The following PDE3A variants were observed in gnomAD, a reference collection of about 807,000 sequenced individuals.
PDE3A encodes the protein phosphodiesterase 3A.
PDE3A carries 43 observed loss-of-function variants against 98.3 expected under a neutral mutation model. The ratio of observed to expected loss-of-function variants is 0.44; its 90% CI spans 0.34 to 0.56. PDE3A has a LOEUF of 0.56. Among genes scored for constraint, PDE3A ranks in the 20% least tolerant of loss-of-function variants. The pLI is 0.01. For synonymous variants in PDE3A, 663 were observed against 567.9 expected, an observed-to-expected ratio of 1.17 and a Z score of -2.38; for missense variants, 1,427 against 1,440.7, an observed-to-expected ratio of 0.99 and a Z score of 0.15.
chr12:20,429,720 G>A (rs747805178), intron 1 of PDE3A, among the ~76,000 whole-genome samples: 27 of 152,166 alleles, frequency 1.8e-4, no homozygotes, highest in Non-Finnish European at 3.4e-4. Flanking sequence ...GAAATACATA[G>A]ATTTGGACAA....
chr12:20,661,098 A>T (rs1193885814), intron 15 of PDE3A, among the ~76,000 whole-genome samples: 1 of 152,216 alleles, frequency 6.6e-6, no homozygotes, highest in Non-Finnish European at 1.5e-5. Context: ...GATGGAGATG[A>T]GGAACTTGTC....
At chr12:20,487,855 A>G (rs1945758619) in intron 1 of PDE3A, among the ~76,000 whole-genome samples, 1 of 152,116 alleles carries the variant, frequency 6.6e-6, no homozygotes, top group African/African-American at 2.4e-5. Flanking sequence ...CTAGTCAGGG[A>G]ACCTACTAAT....
At chr12:20,613,363 G>T (rs1012578447) in intron 2 of PDE3A, 80 bp from the exon 3 acceptor site, 2 of 1,304,240 alleles carry the variant, frequency 1.5e-6, no homozygotes, top group African/African-American at 2.9e-5. Context: ...TCATTTCTTA[G>T]TGAAAAAGTC....
At chr12:20,383,816 G>A (rs531506557) in intron 1 of PDE3A, among the ~76,000 whole-genome samples, 4 of 151,964 alleles carry the variant, frequency 2.6e-5, no homozygotes, top group Admixed American at 2.6e-4. Flanking sequence ...TGCAAGACTC[G>A]TTCTGAGGCA....
intron 1 of PDE3A, among the ~76,000 whole-genome samples, chr12:20,420,084 T>C (rs1944486714): frequency 6.6e-6 from 1 of 152,206 alleles, no homozygotes; most frequent in African/African-American, 2.4e-5. Context: ...AGGTGAAGAA[T>C]ATTTTGTTGA....
chr12:20,383,558 T>A (rs1348538841), intron 1 of PDE3A, among the ~76,000 whole-genome samples: 2 of 151,986 alleles, frequency 1.3e-5, no homozygotes, highest in Non-Finnish European at 2.9e-5. Context: ...TTCTTCCAGA[T>A]TTTTCCACTT....
chr12:20,441,266 G>A (rs919376796), intron 1 of PDE3A, among the ~76,000 whole-genome samples: 8 of 152,204 alleles, frequency 5.3e-5, no homozygotes, highest in African/African-American at 1.9e-4. Context: ...ATGGAGTAGA[G>A]TAGTCATTGA....
chr12:20,425,992 TA>T (rs1944595873), intron 1 of PDE3A, among the ~76,000 whole-genome samples: 1 of 152,182 alleles, frequency 6.6e-6, no homozygotes, highest in Non-Finnish European at 1.5e-5. Context: ...CGTTAATTAC[TA>T]AAAAATTATT....
intron 1 of PDE3A, among the ~76,000 whole-genome samples, chr12:20,406,915 G>C (rs1237396073): frequency 6.6e-6 from 1 of 152,078 alleles, no homozygotes; most frequent in Non-Finnish European, 1.5e-5. Context: ...TGTGTGTATG[G>C]ATATACAGTT....
chr12:20,462,490 A>C (rs1047126425), intron 1 of PDE3A, among the ~76,000 whole-genome samples: 2 of 152,110 alleles, frequency 1.3e-5, no homozygotes, highest in African/African-American at 4.8e-5. Flanking sequence ...ACTTCATCTA[A>C]AACAACAACA....
intron 1 of PDE3A, among the ~76,000 whole-genome samples, chr12:20,415,643 G>A (rs10732534): frequency 0.62 from 93,737 of 151,850 alleles, 30,715 homozygotes; most frequent in East Asian, 0.88. Context: ...CACCATGTTG[G>A]CCAGGCTGGT....
At chr12:20,664,670 G>T (rs757981360) in intron 15 of PDE3A, among the ~76,000 whole-genome samples, 61 of 152,002 alleles carry the variant, frequency 4.0e-4, no homozygotes, top group Non-Finnish European at 8.8e-5. Context: ...TTCCTCTTTT[G>T]CTTGACTCTC....
At chr12:20,453,876 G>A (rs972222900) in intron 1 of PDE3A, among the ~76,000 whole-genome samples, 2 of 152,088 alleles carry the variant, frequency 1.3e-5, no homozygotes, top group African/African-American at 4.8e-5. Context: ...TCTGTTGCCG[G>A]AATTATCTGT....
chr12:20,375,612 A>G (rs1324707839), intron 1 of PDE3A, among the ~76,000 whole-genome samples: 1 of 151,996 alleles, frequency 6.6e-6, no homozygotes, highest in African/African-American at 2.4e-5. Context: ...CATTATCCAT[A>G]AAGGCCTTTG....
chr12:20,509,643 G>T (rs1452568874), intron 1 of PDE3A, among the ~76,000 whole-genome samples: 1 of 151,982 alleles, frequency 6.6e-6, no homozygotes, highest in Non-Finnish European at 1.5e-5. Flanking sequence ...GTTTTATAAT[G>T]TCTAGCTCTG....
At position 20,609,551 on chromosome 12, in the gene PDE3A, A is replaced by G. The variant is rs576242309; in HGVS notation, c.1012-3892A>G. ...GTCTTCACAGAAATAGAAAAATGCA[A>G]TCCTAAAATTTGTATGAAACCACAA... On this transcript the variant is annotated intron_variant, in intron 2 of 15. Transcript: ENST00000359062. 3.3e-5 allele frequency among the ~76,000 whole-genome samples: 5 copies of G among 152,156 alleles called. 1 individual carries two copies. The East Asian group carries it at 9.7e-4, about 29-fold the overall frequency.
chr12:20,609,273 C>T (rs556236864), intron 2 of PDE3A, among the ~76,000 whole-genome samples: 2 of 151,902 alleles, frequency 1.3e-5, no homozygotes, highest in Non-Finnish European at 2.9e-5. Flanking sequence ...TTTTTATATA[C>T]AAATAAGTCC....
At chr12:20,399,827 T>C (rs1944087220) in intron 1 of PDE3A, among the ~76,000 whole-genome samples, 1 of 152,246 alleles carries the variant, frequency 6.6e-6, no homozygotes, top group Non-Finnish European at 1.5e-5. Flanking sequence ...TTGTTAAGGA[T>C]GGTGTAACCA....
chr12:20,644,832 CCCTCCT>C (rs1182576594), intron 10 of PDE3A, among the ~76,000 whole-genome samples: 5 of 147,518 alleles, frequency 3.4e-5, no homozygotes, highest in African/African-American at 5.0e-5. Flanking sequence ...CTCCTCCTTC[CCCTCCT>C]CCTCCTCCTC....
Sources: gnomAD v4.1 joint callset for allele counts (sites outside exome capture counted in the v4.1 genomes callset) on GRCh38, gnomAD v4.1.1 for gene constraint, MANE v1.5 for transcripts, NCBI Gene and HGNC (gene_info 2026-07-23, HGNC 2026-07-21) for gene names.